Variants in THRB observed in about 807,000 individuals in gnomAD.
THRB encodes the protein thyroid hormone receptor beta.
In THRB, 12 loss-of-function variants were observed where a neutral mutation model predicts 47.8. The observed-to-expected ratio is 0.25, with a 90% CI of 0.16 to 0.41. The LOEUF is 0.41. Ranked by LOEUF, THRB falls within the 10% of genes least tolerant of loss-of-function variation. The pLI is 1.00. For synonymous variants in THRB, 218 were observed against 212.2 expected, an observed-to-expected ratio of 1.03 and a Z score of -0.24; for missense variants, 348 against 589.2, an observed-to-expected ratio of 0.59 and a Z score of 4.24.
chr3:24,455,913 C>T (rs1451725075), intron 1 of THRB, among the ~76,000 whole-genome samples: 1 of 152,174 alleles, frequency 6.6e-6, no homozygotes, highest in Non-Finnish European at 1.5e-5. Flanking sequence ...GCTCAATTCT[C>T]TGAAATATAT....
chr3:24,245,049 C>T (rs1441481191), intron 3 of THRB, among the ~76,000 whole-genome samples: 2 of 152,202 alleles, frequency 1.3e-5, no homozygotes, highest in Non-Finnish European at 2.9e-5. Flanking sequence ...TGGCTTCAAC[C>T]TTCTCTTTTG....
chr3:24,260,725 C>T (rs2051872825), intron 3 of THRB, among the ~76,000 whole-genome samples: 1 of 152,172 alleles, frequency 6.6e-6, no homozygotes, highest in South Asian at 2.1e-4. Flanking sequence ...CCTGTCTCCC[C>T]AGATCTCCAA....
chr3:24,217,721 C>T (rs914906149), intron 4 of THRB, among the ~76,000 whole-genome samples: 6 of 152,120 alleles, frequency 3.9e-5, no homozygotes, highest in African/African-American at 1.4e-4. Context: ...TTGTATCATG[C>T]TAAGTCCTCC....
intron 5 of THRB, 76 bp downstream of exon 5, chr3:24,189,998 G>A (rs368343767): frequency 7.1e-7 from 1 of 1,411,962 alleles, no homozygotes. Flanking sequence ...AAATGTAGAT[G>A]AAGTACACAG....
chr3:24,205,152 A>C (rs1559594157), intron 4 of THRB, among the ~76,000 whole-genome samples: 1 of 152,178 alleles, frequency 6.6e-6, no homozygotes, highest in Admixed American at 6.5e-5. Flanking sequence ...AAGACAGACA[A>C]CACCACAAAG....
At chr3:24,462,373 A>G (rs1163322386) in intron 1 of THRB, among the ~76,000 whole-genome samples, 1 of 152,256 alleles carries the variant, frequency 6.6e-6, no homozygotes, top group East Asian at 1.9e-4. Context: ...CTAGAATTGC[A>G]TGTCTCTTGC....
At position 24,444,726 on chromosome 3, in the gene THRB, C is replaced by T. The variant is rs534863823; in HGVS notation, c.-261+49926G>A. Among the ~76,000 whole-genome samples, 4 of 152,192 alleles carry T rather than the reference C, an allele frequency of 2.6e-5. No individual in the cohort carries two copies. In the South Asian group the frequency reaches 8.3e-4, roughly 32 times the overall value. On this transcript the variant is annotated intron_variant, in intron 1 of 10. Coordinates refer to ENST00000646209, the MANE Select transcript of THRB (RefSeq NM_001354712.2). ...TTCGAGCCTCTCAAGTAGCTGGATA[C>T]AGGCGTGTGCCACCATGCCTGGCTA...
chr3:24,428,964 G>GA (rs1410671421), intron 1 of THRB, among the ~76,000 whole-genome samples: 5 of 150,932 alleles, frequency 3.3e-5, no homozygotes, highest in Non-Finnish European at 7.4e-5. Flanking sequence ...GAAATAATGG[G>GA]AAAAAACAAA....
intron 5 of THRB, among the ~76,000 whole-genome samples, chr3:24,170,810 C>T (rs977191897): frequency 8.6e-5 from 13 of 151,814 alleles, no homozygotes; most frequent in African/African-American, 2.4e-4. Flanking sequence ...AACACTTGCT[C>T]TCTCAGAAAA....
chr3:24,324,149 C>T (rs554389916), intron 2 of THRB, among the ~76,000 whole-genome samples: 37 of 152,310 alleles, frequency 2.4e-4, no homozygotes, highest in South Asian at 8.3e-4. Context: ...ATTTCTACAG[C>T]AGATCTACTA....
intron 8 of THRB, among the ~76,000 whole-genome samples, chr3:24,134,996 A>C (rs1378561272): frequency 6.6e-6 from 1 of 152,178 alleles, no homozygotes; most frequent in Non-Finnish European, 1.5e-5. Context: ...GTGCGTCAGT[A>C]TCACTTGATT....
At chr3:24,150,519 T>A (rs1005513712) in intron 6 of THRB, among the ~76,000 whole-genome samples, 1 of 152,144 alleles carries the variant, frequency 6.6e-6, no homozygotes, top group African/African-American at 2.4e-5. Context: ...TTTCTTCTTT[T>A]AAGAAAACCT....
chr3:24,298,404 A>T (rs188322471), intron 2 of THRB, among the ~76,000 whole-genome samples: 2 of 152,236 alleles, frequency 1.3e-5, no homozygotes, highest in Admixed American at 1.3e-4. Context: ...AATTCGGTAC[A>T]ATTGCAGTAA....
At chr3:24,406,496 T>C (rs1234655246) in intron 1 of THRB, among the ~76,000 whole-genome samples, 1 of 151,784 alleles carries the variant, frequency 6.6e-6, no homozygotes, top group Non-Finnish European at 1.5e-5. Flanking sequence ...TCATGGTTTG[T>C]TATTGTTTAT....
At chr3:24,124,469 G>A (rs1024822664) in intron 10 of THRB, among the ~76,000 whole-genome samples, 12 of 152,048 alleles carry the variant, frequency 7.9e-5, no homozygotes, top group African/African-American at 2.9e-4. Context: ...TCTTTCAAAG[G>A]GAAAAATATA....
chr3:24,271,761 G>C (rs1233652286), intron 3 of THRB, among the ~76,000 whole-genome samples: 1 of 151,836 alleles, frequency 6.6e-6, no homozygotes, highest in Admixed American at 6.6e-5. Context: ...TATTACAATA[G>C]TATTTTTTTC....
intron 1 of THRB, among the ~76,000 whole-genome samples, chr3:24,392,491 T>C (rs1030186511): frequency 7.9e-5 from 12 of 152,160 alleles, no homozygotes; most frequent in African/African-American, 2.9e-4. Context: ...TATATAACTG[T>C]ATTTTTGCAC....
chr3:24,260,585 A>G (rs2051854756), intron 3 of THRB, among the ~76,000 whole-genome samples: 1 of 152,150 alleles, frequency 6.6e-6, no homozygotes, highest in Admixed American at 6.5e-5. Context: ...AAAAGACACA[A>G]TCATACTGAT....
intron 1 of THRB, among the ~76,000 whole-genome samples, chr3:24,371,249 A>T (rs561121387): frequency 2.6e-5 from 4 of 152,158 alleles, no homozygotes; most frequent in Non-Finnish European, 5.9e-5. Context: ...GTCCTTTGCA[A>T]TACTTATGAA....
Sources: allele counts gnomAD v4.1 joint callset (sites outside exome capture counted in the v4.1 genomes callset), GRCh38; gene constraint gnomAD v4.1.1; transcripts MANE v1.5; gene names NCBI Gene and HGNC (gene_info 2026-07-23, HGNC 2026-07-21).